Variants in IL1RAPL1 observed in about 807,000 individuals in gnomAD.
The protein encoded by IL1RAPL1 is interleukin 1 receptor accessory protein like 1.
IL1RAPL1 carries 3 observed loss-of-function variants against 48.4 expected under a neutral mutation model. The ratio of observed to expected loss-of-function variants is 0.06; its 90% confidence interval spans 0.03 to 0.16. The LOEUF is 0.16. Ranked by LOEUF, IL1RAPL1 falls within the 10% of genes least tolerant of loss-of-function variation. IL1RAPL1 has a pLI of 1.00. For missense variants in IL1RAPL1, 349 were observed against 530.6 expected (o/e 0.66, Z 3.36); for synonymous variants, 185 against 187.7 (o/e 0.99, Z 0.12).
chrX:29,389,911 C>T (rs1933833300), intron 3 of IL1RAPL1, among the ~76,000 whole-genome samples: 1 of 111,597 alleles, frequency 9.0e-6, no homozygotes, highest in Non-Finnish European at 1.9e-5. Context: ...CAGAGCTCTT[C>T]TGAAAAGAAA....
Position 28,927,741 on chromosome X carries a change from T to C in IL1RAPL1, c.82+138316T>C, listed in dbSNP as rs149138508. Among the ~76,000 whole-genome samples, 869 of 110,568 alleles carry C rather than the reference T, an allele frequency of 7.9e-3. 7 individuals carry two copies. The highest frequency in any genetic ancestry group is 0.014 in the Middle Eastern group (3 of 216). On this transcript the variant is annotated intron_variant, in intron 2 of 10. Transcript: ENST00000378993. ...CACAGAATTTGGCACAGTTGACTAC[T>C]TGCTCCTTCTGGAAAACTGTCTTCT...
At chrX:29,877,246 T>C (rs890036642) in intron 6 of IL1RAPL1, among the ~76,000 whole-genome samples, 6 of 111,446 alleles carry the variant, frequency 5.4e-5, no homozygotes, top group Non-Finnish European at 7.5e-5. Context: ...CCTTTCATTC[T>C]TAGTTTGGGC....
At chrX:29,289,117 G>A (rs1455801306) in intron 3 of IL1RAPL1, among the ~76,000 whole-genome samples, 1 of 111,664 alleles carries the variant, frequency 9.0e-6, no homozygotes, top group Non-Finnish European at 1.9e-5. Context: ...TAGGTTGTCT[G>A]TTCACTCTGA....
intron 2 of IL1RAPL1, among the ~76,000 whole-genome samples, chrX:29,152,902 G>T (rs771543814): frequency 2.7e-5 from 3 of 112,042 alleles, no homozygotes; most frequent in Non-Finnish European, 5.6e-5. Flanking sequence ...TGATTGGGTT[G>T]TTTCCTATTG....
intron 6 of IL1RAPL1, among the ~76,000 whole-genome samples, chrX:29,776,539 T>C (rs982864652): frequency 1.8e-5 from 2 of 112,296 alleles, no homozygotes; most frequent in African/African-American, 6.5e-5. Context: ...GTCTTATTTA[T>C]TTTTATATTT....
chrX:29,769,973 A>G (rs1035138908), intron 6 of IL1RAPL1, among the ~76,000 whole-genome samples: 4 of 110,810 alleles, frequency 3.6e-5, no homozygotes, highest in Admixed American at 9.6e-5. Context: ...ATGCTTTCAT[A>G]TTTGAACTGA....
At chrX:29,235,514 GAAGT>G (rs1931274886) in intron 2 of IL1RAPL1, among the ~76,000 whole-genome samples, 1 of 110,976 alleles carries the variant, frequency 9.0e-6, no homozygotes, top group Non-Finnish European at 1.9e-5. Context: ...AAAAAAGGTA[GAAGT>G]AAGTATATAA....
At position 29,899,840 on chromosome X, in the gene IL1RAPL1, G is replaced by A. The variant is rs746922001; in HGVS notation, c.779-17624G>A. Reference sequence around the variant, plus strand: ...ATTACAGGCGTGAGCCACCACACCCGGCCAACAGTGAATTTTTTAAATACT... The same window carrying A: ...ATTACAGGCGTGAGCCACCACACCCAGCCAACAGTGAATTTTTTAAATACT... On this transcript the variant is annotated intron_variant, in intron 6 of 10. Transcript: ENST00000378993. 1.2e-3 allele frequency among the ~76,000 whole-genome samples: 130 copies of A among 111,507 alleles called. 1 individual carries two copies. The highest frequency in any genetic ancestry group is 2.0e-3 in the East Asian group (7 of 3,552).
chrX:29,238,197 G>T (rs1365265926), intron 2 of IL1RAPL1, among the ~76,000 whole-genome samples: 3 of 111,722 alleles, frequency 2.7e-5, no homozygotes, highest in Admixed American at 9.5e-5. Flanking sequence ...GAATGATGAG[G>T]ACAGAGTTTA....
chrX:29,063,157 C>T (rs188206515), intron 2 of IL1RAPL1, among the ~76,000 whole-genome samples: 9 of 111,313 alleles, frequency 8.1e-5, no homozygotes, highest in Non-Finnish European at 1.5e-4. Flanking sequence ...GTGGAGTTTT[C>T]TCCAAATAAA....
In IL1RAPL1 at chrX:29,145,829, T is replaced by A. The variant is rs1425888327; in HGVS notation, c.83-137109T>A. ...TCTCTCTCACCCATCATTTGATTCA[T>A]CAGAAAATCCTATTGTCTGTACCTT... is the stretch of plus-strand genomic sequence containing the variant. On this transcript the variant is annotated intron_variant, in intron 2 of 10. Coordinates refer to ENST00000378993, the MANE Select transcript of IL1RAPL1 (RefSeq NM_014271.4). Among the ~76,000 whole-genome samples, 5 of 112,200 alleles carry A rather than the reference T, an allele frequency of 4.5e-5. No individual in the cohort carries two copies. The Admixed American group carries it at 4.8e-4, about 11-fold the overall frequency.
intron 5 of IL1RAPL1, among the ~76,000 whole-genome samples, chrX:29,557,509 A>G (rs918299709): frequency 1.8e-5 from 2 of 112,014 alleles, no homozygotes; most frequent in Non-Finnish European, 3.8e-5. Context: ...TAGTAGCCAT[A>G]TTTTGTGTGT....
intron 2 of IL1RAPL1, among the ~76,000 whole-genome samples, chrX:28,902,513 G>A (rs1248974364): frequency 8.9e-6 from 1 of 111,868 alleles, no homozygotes; most frequent in South Asian, 3.7e-4. Flanking sequence ...CACTCTAACC[G>A]ATTTTTGTTG....
At position 29,451,116 on chromosome X, in the gene IL1RAPL1, T is replaced by TA. The variant is rs1432985326; in HGVS notation, c.703+51820dup. ...GGTTGACTCTCTCTATACCTAATAT[T>TA]AAAAAAAAAAAAGAATCTATGGTAA... is the stretch of plus-strand genomic sequence containing the variant. On this transcript the variant is annotated intron_variant, in intron 5 of 10. Coordinates refer to ENST00000378993, the MANE Select transcript of IL1RAPL1 (RefSeq NM_014271.4). Among the ~76,000 whole-genome samples the TA allele has an allele frequency of 4.2e-3, 432 of 102,718 alleles. 1 individual carries two copies. Among genetic ancestry groups the TA allele is most frequent in the African/African-American group, 0.011 (323 of 28,640 alleles). The allele number at this position is 102,718 out of a possible 115,157, so 89.2% of individuals were successfully genotyped here.
chrX:29,315,522 G>T (rs965867011), intron 3 of IL1RAPL1, among the ~76,000 whole-genome samples: 78 of 111,559 alleles, frequency 7.0e-4, no homozygotes, highest in Middle Eastern at 4.6e-3. Flanking sequence ...TTTTGTGTGT[G>T]TTTTATTTGT....
intron 8 of IL1RAPL1, among the ~76,000 whole-genome samples, chrX:29,927,159 AC>A (rs1932898527): frequency 8.9e-6 from 1 of 112,111 alleles, no homozygotes; most frequent in Non-Finnish European, 1.9e-5. Flanking sequence ...CTGGGGTAGG[AC>A]TCAAGATTCC....
intron 2 of IL1RAPL1, among the ~76,000 whole-genome samples, chrX:28,943,788 A>G (rs1924225485): frequency 9.0e-6 from 1 of 110,847 alleles, no homozygotes; most frequent in South Asian, 3.7e-4. Flanking sequence ...AAATTCCACA[A>G]AGTGCTGAAA....
chrX:29,608,864 T>C (rs977220963), intron 5 of IL1RAPL1, among the ~76,000 whole-genome samples: 7 of 111,215 alleles, frequency 6.3e-5, no homozygotes, highest in Non-Finnish European at 1.3e-4. Flanking sequence ...GAGGAACAAA[T>C]ATTCAGCAAT....
intron 1 of IL1RAPL1, among the ~76,000 whole-genome samples, chrX:28,768,755 C>CTCTCTCTATATA (rs1364972830): frequency 2.9e-5 from 1 of 34,890 alleles, no homozygotes; most frequent in African/African-American, 1.2e-4. Context: ...CTCTCTCTCT[C>CTCTCTCTATATA]TATATATATA....
Sources: allele counts gnomAD v4.1 joint callset (sites outside exome capture counted in the v4.1 genomes callset), GRCh38; gene constraint gnomAD v4.1.1; transcripts MANE v1.5; gene names NCBI Gene and HGNC (gene_info 2026-07-23, HGNC 2026-07-21).